Variants in AIG1 observed in about 807,000 individuals in gnomAD.
AIG1 encodes the protein androgen induced 1.
AIG1 carries 23 observed loss-of-function variants against 31.4 expected under a neutral mutation model. The observed-to-expected ratio is 0.73, with a 90% confidence interval of 0.53 to 1.04. The LOEUF is 1.04. Among genes scored for constraint, AIG1 ranks in the 50% least tolerant of loss-of-function variants. The pLI, the probability that AIG1 is intolerant of heterozygous loss-of-function variation, is 0.00. For missense variants in AIG1, 274 were observed against 295.0 expected, an observed-to-expected ratio of 0.93 and a Z score of 0.52; for synonymous variants, 100 against 110.5, an observed-to-expected ratio of 0.90 and a Z score of 0.60.
Position 143,137,001 on chromosome 6 carries a change from T to C in AIG1, c.297+11T>C, listed in dbSNP as rs764714030. 4 of 1,383,570 alleles carry C rather than the reference T, an allele frequency of 2.9e-6. No individual in the cohort carries two copies. In the Middle Eastern group the frequency reaches 7.7e-4, roughly 267 times the overall value. The allele number at this position is 1,383,570 out of a possible 1,614,324, so 85.7% of individuals were successfully genotyped here. A position where few individuals can be genotyped will look rare whatever the true frequency, so the allele number is the denominator to read the frequency against. ...TTTCCTGTTGGGGTTGTGAGTATGA[T>C]GGAGGATGCATTTAGCCACAAAAGA... On this transcript the variant is annotated intron_variant, in intron 2 of 5. Transcript: ENST00000357847.
intron 1 of AIG1, among the ~76,000 whole-genome samples, chr6:143,131,994 A>G (rs891288855): frequency 2.6e-5 from 4 of 152,214 alleles, no homozygotes; most frequent in Admixed American, 2.0e-4. Flanking sequence ...TCTGCTGTCA[A>G]CTAATATTAT....
intron 3 of AIG1, among the ~76,000 whole-genome samples, chr6:143,254,259 G>A (rs1407682627): frequency 2.0e-5 from 3 of 152,204 alleles, no homozygotes; most frequent in African/African-American, 7.2e-5. Flanking sequence ...AAACATGCTT[G>A]ATTCTCAGTT....
At chr6:143,102,386 G>A (rs28532630) in intron 1 of AIG1, among the ~76,000 whole-genome samples, 2,125 of 149,580 alleles carry the variant, frequency 0.014, 48 homozygotes, top group African/African-American at 0.048. Flanking sequence ...AATATTTTCA[G>A]CCGGAAGGGA....
chr6:143,211,930 A>G lies in AIG1; in HGVS notation c.399+46747A>G, dbSNP rs542826009. ...AAATTCCAACGTAAGTTTATTTCTA[A>G]ATTTTTCCTTTCCTGTGGTATCCTA... On this transcript the variant is annotated intron_variant, in intron 3 of 5. Coordinates refer to ENST00000357847, the MANE Select transcript of AIG1 (RefSeq NM_016108.4). Among the ~76,000 whole-genome samples the G allele has an allele frequency of 4.9e-4, 74 of 152,136 alleles. 2 individuals carry two copies. In the South Asian group the frequency reaches 0.015, roughly 30 times the overall value.
At chr6:143,187,686 G>A (rs1789393640) in intron 3 of AIG1, 2 of 1,535,948 alleles carry the variant, frequency 1.3e-6, no homozygotes, top group South Asian at 1.2e-5. Flanking sequence ...TGACTTTGAA[G>A]CAGGCTGCCT....
At chr6:143,314,939 T>A (rs1375180079) in intron 4 of AIG1, among the ~76,000 whole-genome samples, 1 of 152,138 alleles carries the variant, frequency 6.6e-6, no homozygotes, top group African/African-American at 2.4e-5. Context: ...ATCAGAATCA[T>A]CTATTTTGGA....
chr6:143,284,299 A>T lies in AIG1; in HGVS notation c.515+74A>T. 1.1e-5 allele frequency: 12 copies of T among 1,063,958 alleles called. No homozygotes were observed. Among genetic ancestry groups the T allele is most frequent in the Non-Finnish European group, 1.1e-5 (8 of 705,046 alleles). The allele number at this position is 1,063,958 out of a possible 1,614,324, so 65.9% of individuals were successfully genotyped here. On this transcript the variant is annotated intron_variant, in intron 4 of 5. Transcript: ENST00000357847. This position sits in a 1 kb window ranked among gnomAD's most constrained non-coding sequence, Gnocchi z 4.4. The stretch of plus-strand genomic sequence containing the variant: ...GCTAAATTTGGGCACATATTTCATT[A>T]TGGATATAATCACTAACAGATTCAC...
In AIG1 at chr6:143,254,359, C is replaced by T. The variant is rs550159386; in HGVS notation, c.400-29751C>T. ...TGGACATTTTGGCCCAGGTGGGCAT[C>T]CTGGAGGCATCATGACAAATTTAAA... On this transcript the variant is annotated intron_variant, in intron 3 of 5. Coordinates refer to ENST00000357847, the MANE Select transcript of AIG1 (RefSeq NM_016108.4). Among the ~76,000 whole-genome samples, 12 of 152,174 alleles carry T rather than the reference C, an allele frequency of 7.9e-5. No homozygotes were observed. The South Asian group carries it at 2.5e-3, about 32-fold the overall frequency.
intron 1 of AIG1, among the ~76,000 whole-genome samples, chr6:143,103,153 A>G (rs17072213): frequency 0.08 from 12,238 of 152,272 alleles, 1,527 homozygotes; most frequent in African/African-American, 0.27. Context: ...TGCTAGTTTT[A>G]GTAATACAAT....
intron 1 of AIG1, among the ~76,000 whole-genome samples, chr6:143,104,206 C>T (rs928615383): frequency 6.6e-6 from 1 of 152,174 alleles, no homozygotes; most frequent in East Asian, 1.9e-4. Context: ...TGCAGCCAAC[C>T]ATTCTGTGGA....
intron 3 of AIG1, among the ~76,000 whole-genome samples, chr6:143,219,872 G>A (rs11970459): frequency 0.022 from 3,409 of 152,290 alleles, 115 homozygotes; most frequent in African/African-American, 0.074. Context: ...TCACCAGACA[G>A]GGAAGCCATG....
intron 3 of AIG1, among the ~76,000 whole-genome samples, chr6:143,252,670 A>G (rs760471849): frequency 6.6e-6 from 1 of 152,212 alleles, no homozygotes; most frequent in Non-Finnish European, 1.5e-5. Context: ...GTTTGGTTAG[A>G]TCGTTTTCTG....
At chr6:143,335,054 T>C (rs1777367554) in intron 5 of AIG1, 3 of 1,424,274 alleles carry the variant, frequency 2.1e-6, no homozygotes, top group African/African-American at 1.5e-5. Flanking sequence ...ATTTTAGATA[T>C]GAAAATTAAG....
At chr6:143,314,714 T>G (rs1399282915) in intron 4 of AIG1, among the ~76,000 whole-genome samples, 1 of 152,120 alleles carries the variant, frequency 6.6e-6, no homozygotes, top group East Asian at 1.9e-4. Context: ...TACCCAATAT[T>G]GTTAAGATAC....
rs190642033 is a variant in AIG1, at chr6:143,327,814, T to C, written c.516-5468T>C. Among the ~76,000 whole-genome samples the C allele has an allele frequency of 1.4e-3, 218 of 152,124 alleles. No homozygotes were observed. Among genetic ancestry groups the C allele is most frequent in the African/African-American group, 4.8e-3 (201 of 41,508 alleles). ...TGAATGATAGTACTATTTGCAGAAA[T>C]AAGAAATACTGGAGGTTTGGGGAGA... On this transcript the variant is annotated intron_variant, in intron 4 of 5. Transcript: ENST00000357847. The surrounding 1 kb of genome is among the most constrained non-coding windows in gnomAD (Gnocchi z 5.3).
chr6:143,125,549 C>T (rs1782620736), intron 1 of AIG1, among the ~76,000 whole-genome samples: 1 of 152,160 alleles, frequency 6.6e-6, no homozygotes, highest in South Asian at 2.1e-4. Flanking sequence ...AGCATCTGCT[C>T]CACCCGGGTA....
At chr6:143,144,704 G>T (rs1784568643) in intron 2 of AIG1, among the ~76,000 whole-genome samples, 1 of 152,156 alleles carries the variant, frequency 6.6e-6, no homozygotes. Flanking sequence ...TGATCTATAT[G>T]AATTAGCCTC....
At chr6:143,335,172 A>G (rs1430538628) in intron 5 of AIG1, 4 of 1,311,350 alleles carry the variant, frequency 3.1e-6, no homozygotes, top group East Asian at 3.0e-5. Context: ...GCCTCCCCCA[A>G]CTTCTACCTA....
chr6:143,170,592 T>C (rs1423822678), intron 3 of AIG1, among the ~76,000 whole-genome samples: 1 of 82,774 alleles, frequency 1.2e-5, no homozygotes, highest in Non-Finnish European at 2.5e-5. Context: ...AACAAGTTTT[T>C]TTTTTTTTGT....
Sources: allele counts gnomAD v4.1 joint callset (sites outside exome capture counted in the v4.1 genomes callset), GRCh38; gene constraint gnomAD v4.1.1; non-coding constraint Gnocchi (gnomAD v3.1); transcripts MANE v1.5; gene names NCBI Gene and HGNC (gene_info 2026-07-23, HGNC 2026-07-21).